The following WIPI1 variants were observed in gnomAD, a reference collection of about 807,000 sequenced individuals.
The protein encoded by WIPI1 is WD repeat domain, phosphoinositide interacting 1.
A neutral mutation model predicts 55.3 loss-of-function variants in WIPI1; 45 were observed. That is an observed-to-expected ratio of 0.81 (90% CI 0.64 to 1.04). The LOEUF (loss-of-function observed/expected upper bound fraction) is 1.04, where lower values mean the gene tolerates loss of function less well. WIPI1 is among the 50% of genes least tolerant of loss of function. WIPI1 has a pLI of 0.00. For synonymous variants in WIPI1, 195 were observed against 217.6 expected, an observed-to-expected ratio of 0.90 and a Z score of 0.92; for missense variants, 445 against 559.0, an observed-to-expected ratio of 0.80 and a Z score of 2.06.
Position 68,457,371 on chromosome 17 carries a change from G to C in WIPI1, c.51C>G (p.Leu17=). ...AGTCCTGGTTGAAAGAGAAGCAGCT[G>C]AGCGCCGACTCAACCCCGCCCGGGG... ...DAPPGGVESA[L]SCFSFNQDCT... is the part of the protein sequence containing the mutation. Residue 17 remains leucine (L), a synonymous_variant, in exon 1 of 13, where the codon CTC becomes CTG. Transcript: ENST00000262139. The C allele has an allele frequency of 6.5e-7, 1 of 1,542,622 alleles. No individual in the cohort carries two copies. Among genetic ancestry groups the C allele is most frequent in the Non-Finnish European group, 8.7e-7 (1 of 1,145,210 alleles).
chr17:68,452,932 C>G lies in WIPI1; in HGVS notation c.141G>C (p.Gln47His). Residue 47 changes from glutamine (Q) to histidine (H), a missense_variant, in exon 2 of 13, where the codon CAG becomes CAC. Coordinates refer to ENST00000262139, the MANE Select transcript of WIPI1 (RefSeq NM_017983.7). ...TACTGCTTCCGTGGACTTGATCCAGCTGCTCCACAGAACTCAGAGAAAACA... is the reference window on the plus strand; with the variant it reads ...TACTGCTTCCGTGGACTTGATCCAGGTGCTCCACAGAACTCAGAGAAAACA... ...YKLFSLSSVE[Q>H]LDQVHGSNEI... 6.2e-7 allele frequency: 1 copy of G among 1,614,048 alleles called. No homozygotes were observed.
In WIPI1 at chr17:68,421,778, A is replaced by G. The variant is rs772751225; in HGVS notation, c.1336T>C (p.Ser446Pro). ...RGNQKGKTKQS is the reference protein window; with the variant it reads ...RGNQKGKTKQP Reference sequence around the variant, plus strand: ...TTTCTGAGGTGTGCTTCTCATCATGACTGCTTCGTTTTGCCCTTCTGATTT... The same window carrying G: ...TTTCTGAGGTGTGCTTCTCATCATGGCTGCTTCGTTTTGCCCTTCTGATTT... Residue 446 changes from serine (S) to proline (P), a missense_variant, in exon 13 of 13, where the codon TCA (serine) becomes CCA (proline). Ser to Pro is a moderately conservative substitution (Grantham distance 74). Transcript: ENST00000262139. 3 of 1,614,180 alleles carry G rather than the reference A, an allele frequency of 1.9e-6. No homozygotes were observed. The South Asian group carries it at 3.3e-5, about 18-fold the overall frequency.
intron 7 of WIPI1, among the ~76,000 whole-genome samples, chr17:68,434,317 C>CCA (rs778438337): frequency 8.5e-5 from 13 of 152,140 alleles, no homozygotes; most frequent in Admixed American, 8.5e-4. Context: ...TGCCGGCCGC[C>CCA]CACACACACA....
In WIPI1 at chr17:68,457,479, C is replaced by A; in HGVS notation, c.-58G>T. On this transcript the variant is annotated 5_prime_UTR_variant, in exon 1 of 13. Coordinates refer to ENST00000262139, the MANE Select transcript of WIPI1 (RefSeq NM_017983.7). ...GCCGGCGACAGCCACCTCAGCAGCC[C>A]GCCCGCGCCGGCTCCACGGGCCGGG... The A allele has an allele frequency of 7.4e-7, 1 of 1,349,368 alleles. No individual in the cohort carries two copies. The allele number at this position is 1,349,368 out of a possible 1,614,324, so 83.6% of individuals were successfully genotyped here.
In WIPI1 at chr17:68,444,562, T is replaced by C. The variant is rs2084206634; in HGVS notation, c.361A>G (p.Ile121Val). ...ATGTCTTTAATGTTGTGAATATAAA[T>C]GGACTCTTCTAGGCAAACCAGCAGC... Reference protein sequence around the residue: ...QRLLVCLEESIYIHNIKDMKL... With the variant: ...QRLLVCLEESVYIHNIKDMKL... The change falls in exon 4 of 13, where the codon ATT (isoleucine) becomes GTT (valine). Residue 121 changes from isoleucine (I) to valine (V), a missense_variant. Ile to Val is a conservative substitution (Grantham distance 29). Coordinates refer to ENST00000262139, the MANE Select transcript of WIPI1 (RefSeq NM_017983.7). The C allele has an allele frequency of 1.9e-6, 3 of 1,614,098 alleles. No individual in the cohort carries two copies. Among genetic ancestry groups the C allele is most frequent in the Non-Finnish European group, 2.5e-6 (3 of 1,180,018 alleles).
intron 3 of WIPI1, among the ~76,000 whole-genome samples, chr17:68,449,389 C>A (rs948534275): frequency 5.9e-5 from 9 of 152,144 alleles, no homozygotes; most frequent in African/African-American, 1.9e-4. Context: ...CAGCACTCTG[C>A]GAGGCCAAGG....
rs75336790 is a variant in WIPI1 at position 68,421,416 on chromosome 17, A to C, written c.*357T>G. The C allele has an allele frequency of 0.016, 4,146 of 254,874 alleles. 160 individuals are homozygous for C. Among genetic ancestry groups the C allele is most frequent in the African/African-American group, 0.083 (3,871 of 46,506 alleles). The allele number at this position is 254,874 out of a possible 1,614,324, so 15.8% of individuals were successfully genotyped here. A position where few individuals can be genotyped will look rare whatever the true frequency, so the allele number is the denominator to read the frequency against. On this transcript the variant is annotated 3_prime_UTR_variant, in exon 13 of 13. Coordinates refer to ENST00000262139, the MANE Select transcript of WIPI1 (RefSeq NM_017983.7). Reference sequence around the variant, plus strand: ...TAAGTATGTAATATACAAGAAATACAATTCAAAGAGATGTTCCTATAAGTA... The same window carrying C: ...TAAGTATGTAATATACAAGAAATACCATTCAAAGAGATGTTCCTATAAGTA...
chr17:68,439,191 T>C (rs929082287), intron 4 of WIPI1, among the ~76,000 whole-genome samples: 1 of 152,220 alleles, frequency 6.6e-6, no homozygotes, highest in African/African-American at 2.4e-5. Flanking sequence ...TGAATGTTCA[T>C]GGCAGCATTA....
At chr17:68,430,221 A>G in intron 8 of WIPI1, 61 bp from the exon 9 acceptor site, 5 of 1,531,692 alleles carry the variant, frequency 3.3e-6, no homozygotes, top group Non-Finnish European at 4.4e-6. Context: ...GCACCCAGGA[A>G]TCTCCACACC....
At chr17:68,445,463 G>A (rs545326165) in intron 3 of WIPI1, among the ~76,000 whole-genome samples, 1 of 152,094 alleles carries the variant, frequency 6.6e-6, no homozygotes, top group Non-Finnish European at 1.5e-5. Context: ...CTGCTTTTGG[G>A]CCGCTGTCTG....
intron 8 of WIPI1, among the ~76,000 whole-genome samples, chr17:68,431,481 CAGG>C (rs1568630315): frequency 6.6e-6 from 1 of 151,860 alleles, no homozygotes; most frequent in East Asian, 1.9e-4. Flanking sequence ...AGGTCTGACT[CAGG>C]GGGACGGGAG....
intron 4 of WIPI1, among the ~76,000 whole-genome samples, chr17:68,437,010 A>ATGTGTGTGTGTGTGTG (rs758693659): frequency 0.011 from 890 of 77,854 alleles, 17 homozygotes; most frequent in African/African-American, 0.05. Flanking sequence ...AAAAAAATAT[A>ATGTGTGTGTGTGTGTG]TATATATGTG....
rs185527180 is a variant in WIPI1, at chr17:68,435,531, T to C, written c.621+89A>G. The C allele has an allele frequency of 6.3e-4, 805 of 1,287,908 alleles. 12 individuals carry two copies. The South Asian group carries it at 7.5e-3, about 12-fold the overall frequency. The allele number at this position is 1,287,908 out of a possible 1,614,324, so 79.8% of individuals were successfully genotyped here. On this transcript the variant is annotated intron_variant, in intron 6 of 12. Coordinates refer to ENST00000262139, the MANE Select transcript of WIPI1 (RefSeq NM_017983.7). ...GGGCCCAGAGACCAGTCAGTCTTCA[T>C]GTCACCAGGTTTGTTCAATCCCATC...
chr17:68,423,550 C>A lies in WIPI1; in HGVS notation c.1294-1730G>T, dbSNP rs531865858. On this transcript the variant is annotated intron_variant, in intron 12 of 12. Coordinates refer to ENST00000262139, the MANE Select transcript of WIPI1 (RefSeq NM_017983.7). The surrounding 1 kb of genome is among the most constrained non-coding windows in gnomAD (Gnocchi z 4.4). ...GGACCTTGTTCAGTGACCACTCTCA[C>A]TGGCAGGAAGTATTTCTTGCGTATA... Among the ~76,000 whole-genome samples, 8 of 152,322 alleles carry A rather than the reference C, an allele frequency of 5.3e-5. No homozygotes were observed. In the South Asian group the frequency reaches 1.5e-3, roughly 28 times the overall value.
chr17:68,429,417 C>CT lies in WIPI1; in HGVS notation c.966-482dup, dbSNP rs1394640116. ...AGGAGTCCGAACCTAGAAAACAGAT[C>CT]TGGAGGCTTTTTACATAATTACATA... is the stretch of plus-strand genomic sequence containing the variant. On this transcript the variant is annotated intron_variant, in intron 9 of 12. Transcript: ENST00000262139. Among the ~76,000 whole-genome samples, 125 of 152,134 alleles carry CT rather than the reference C, an allele frequency of 8.2e-4. 1 individual carries two copies. The highest frequency in any genetic ancestry group is 2.6e-3 in the African/African-American group (109 of 41,428).
At chr17:68,446,236 A>G (rs1445890768) in intron 3 of WIPI1, among the ~76,000 whole-genome samples, 1 of 151,760 alleles carries the variant, frequency 6.6e-6, no homozygotes, top group Non-Finnish European at 1.5e-5. Flanking sequence ...GCTGCAGTGC[A>G]GTGGCAGGAT....
chr17:68,441,214 C>T, intron 4 of WIPI1: 1 of 152,232 alleles, frequency 6.6e-6, no homozygotes, highest in Non-Finnish European at 1.5e-5. Flanking sequence ...GAGCCCCTGT[C>T]TGGCCAAGCT....
chr17:68,444,510 A>T lies in WIPI1; in HGVS notation c.413T>A (p.Ile138Asn). The change falls in exon 4 of 13, where the codon ATT becomes AAT. Residue 138 changes from isoleucine to asparagine, a missense_variant. Physicochemically the swap from Ile to Asn is moderately radical, Grantham distance 149. Transcript: ENST00000262139. ...GAGCTCACCTGTTGGGTTTGCAGGA[A>T]TATCCAGGAGGGTCTTCAACAGCTT... ...DMKLLKTLLD[I>N]PANPTGLCAL... 6.2e-7 allele frequency: 1 copy of T among 1,613,782 alleles called. No homozygotes were observed. Among genetic ancestry groups the T allele is most frequent in the East Asian group, 2.2e-5 (1 of 44,884 alleles).
intron 2 of WIPI1, among the ~76,000 whole-genome samples, chr17:68,451,340 A>T (rs193197753): frequency 2.4e-4 from 36 of 152,336 alleles, no homozygotes; most frequent in Non-Finnish European, 3.1e-4. Flanking sequence ...AGGCTGAGGC[A>T]TGAGAATCAC....
Sources: gnomAD v4.1 joint callset for allele counts (sites outside exome capture counted in the v4.1 genomes callset) on GRCh38, gnomAD v4.1.1 for gene constraint, Gnocchi (gnomAD v3.1) non-coding constraint, MANE v1.5 for transcripts, NCBI Gene and HGNC (gene_info 2026-07-23, HGNC 2026-07-21) for gene names.